Variants in SLC5A2 observed in about 807,000 individuals in gnomAD.
SLC5A2 encodes the protein solute carrier family 5 member 2.
In SLC5A2, 67 loss-of-function variants were observed where a neutral mutation model predicts 69.0. The observed-to-expected ratio is 0.97, with a 90% CI of 0.80 to 1.19. The LOEUF is 1.19. SLC5A2 is among the 50% of genes most tolerant of loss of function. The pLI is 0.00. For synonymous variants in SLC5A2, 455 were observed against 395.8 expected (o/e 1.15, Z -1.78); for missense variants, 1,001 against 921.5 (o/e 1.09, Z -1.12).
rs1300749034 is a variant in SLC5A2 at position 31,487,708 on chromosome 16, G to A, written c.834G>A (p.Ala278=). Residue 278 remains alanine (A), a synonymous_variant, in exon 7 of 14, where the codon GCG becomes GCA. Coordinates refer to ENST00000330498, the MANE Select transcript of SLC5A2 (RefSeq NM_003041.4). ...HPVTGDLPWP[A]LLLGLTIVSG... is the part of the protein sequence containing the mutation. ...TGACCGGGGATCTGCCGTGGCCCGC[G>A]CTGCTCCTCGGACTCACAATCGTCT... 6 of 1,612,850 alleles carry A rather than the reference G, an allele frequency of 3.7e-6. No individual in the cohort carries two copies. The highest frequency in any genetic ancestry group is 5.1e-6 in the Non-Finnish European group (6 of 1,179,934).
At chr16:31,486,977 C>T (rs1206510180) in intron 5 of SLC5A2, among the ~76,000 whole-genome samples, 5 of 152,114 alleles carry the variant, frequency 3.3e-5, no homozygotes, top group Non-Finnish European at 5.9e-5. Context: ...ACCGGGCAGG[C>T]GGAAGTTGCA....
rs370978812 is a variant in SLC5A2 at position 31,488,509 on chromosome 16, C to G, written c.1129+19C>G. 5.0e-6 allele frequency: 8 copies of G among 1,603,854 alleles called. No homozygotes were observed. Among genetic ancestry groups the G allele is most frequent in the Non-Finnish European group, 6.8e-6 (8 of 1,176,460 alleles). On this transcript the variant is annotated intron_variant, in intron 9 of 13. Transcript: ENST00000330498. ...CCCAACGGTAAGGGCAGCCCCGGGCCACAGGCGCAAGCTCGCTGCGGAGCC... is the reference window on the plus strand; with the variant it reads ...CCCAACGGTAAGGGCAGCCCCGGGCGACAGGCGCAAGCTCGCTGCGGAGCC...
chr16:31,487,194 G>A, intron 5 of SLC5A2, 126 bp from the exon 6 acceptor site: 3 of 949,538 alleles, frequency 3.2e-6, no homozygotes, highest in East Asian at 2.4e-5. Flanking sequence ...CCGAGAACAG[G>A]CTATCGTTTT....
chr16:31,484,120 G>A (rs569916151), intron 1 of SLC5A2, among the ~76,000 whole-genome samples: 5 of 151,832 alleles, frequency 3.3e-5, no homozygotes, highest in East Asian at 2.0e-4. Context: ...GGCTGGGTGC[G>A]GTGGTTCATG....
chr16:31,488,030 T>C lies in SLC5A2; in HGVS notation c.886-8T>C. 2 of 1,612,758 alleles carry C rather than the reference T, an allele frequency of 1.2e-6. No individual in the cohort carries two copies. The highest frequency in any genetic ancestry group is 1.7e-6 in the Non-Finnish European group (2 of 1,179,754). ...CCGCAAGCGGGCAGCTGAACGCCCCTCCCGTAGGTCATCGTGCAGCGCTGC... is the reference window on the plus strand; with the variant it reads ...CCGCAAGCGGGCAGCTGAACGCCCCCCCCGTAGGTCATCGTGCAGCGCTGC... On this transcript the variant is annotated splice_region_variant and splice_polypyrimidine_tract_variant and intron_variant, in intron 7 of 13. Transcript: ENST00000330498.
At chr16:31,489,800 ACT>A (rs2082544388) in intron 12 of SLC5A2, 1 of 462,422 alleles carries the variant, frequency 2.2e-6, no homozygotes, top group Non-Finnish European at 4.0e-6. Context: ...GGCACAGAAC[ACT>A]GTGAGCAGGA....
rs759033377 is a variant in SLC5A2, at chr16:31,485,762, TTTGCACCC to T, written c.338_345del (p.Phe113CysfsTer234). ...CGTGGTGCTGCTACTGGGCTGGCTG[TTTGCACCC>T]GTGTACCTGACAGCGGGGGTCATCA... On this transcript the variant is annotated frameshift_variant, in exon 4 of 14. Transcript: ENST00000330498. LOFTEE classifies it high-confidence loss of function. The T allele has an allele frequency of 6.2e-7, 1 of 1,613,734 alleles. No homozygotes were observed. The highest frequency in any genetic ancestry group is 1.1e-5 in the South Asian group (1 of 91,080).
chr16:31,487,391 A>G lies in SLC5A2; in HGVS notation c.646A>G (p.Met216Val), dbSNP rs753799558. The change falls in exon 6 of 14, where the codon ATG becomes GTG. Residue 216 changes from methionine (M) to valine (V), a missense_variant. Coordinates refer to ENST00000330498, the MANE Select transcript of SLC5A2 (RefSeq NM_003041.4). The part of the protein sequence containing the change: ...FVILGGACIL[M>V]GYAFHEVGGY... ...CATTCTGGGGGGCGCCTGCATCCTCATGGGTTACGGTAGGGGCTCGCCTAC... is the reference window on the plus strand; with the variant it reads ...CATTCTGGGGGGCGCCTGCATCCTCGTGGGTTACGGTAGGGGCTCGCCTAC... 1.9e-6 allele frequency: 3 copies of G among 1,613,440 alleles called. No homozygotes were observed. Among genetic ancestry groups the G allele is most frequent in the Non-Finnish European group, 2.5e-6 (3 of 1,179,952 alleles).
Position 31,485,917 on chromosome 16 carries a change from T to C in SLC5A2, c.468+24T>C, listed in dbSNP as rs2082491906. On this transcript the variant is annotated intron_variant, in intron 4 of 13. Transcript: ENST00000330498. ...CAGTGAGTGCCTGTGGCAGATGCGA[T>C]TGGGCCCTAGAAGGGTGGGGCTCAA... 3.1e-6 allele frequency: 5 copies of C among 1,612,900 alleles called. No homozygotes were observed. The South Asian group carries it at 5.5e-5, about 18-fold the overall frequency.
At chr16:31,485,322 G>C (rs530553566) in intron 3 of SLC5A2, 2 of 443,274 alleles carry the variant, frequency 4.5e-6, no homozygotes, top group East Asian at 9.4e-5. Flanking sequence ...CTCTGGGACT[G>C]AGGCTCCTGT....
rs1156599706 is a variant in SLC5A2 at position 31,488,652 on chromosome 16, T to C, written c.1160T>C (p.Leu387Pro). The change falls in exon 10 of 14, where the codon CTG (leucine) becomes CCG (proline). Residue 387 changes from leucine to proline, a missense_variant. Transcript: ENST00000330498. Reference protein sequence around the residue: ...GLRGLMLAVMLAALMSSLASI... With the variant: ...GLRGLMLAVMPAALMSSLASI... ...CGCGGACTCATGCTGGCGGTCATGC[T>C]GGCCGCGCTCATGTCCTCGCTGGCC... 5 of 1,612,136 alleles carry C rather than the reference T, an allele frequency of 3.1e-6. No homozygotes were observed. The African/African-American group carries it at 6.7e-5, about 22-fold the overall frequency.
Position 31,486,246 on chromosome 16 carries a change from T to C in SLC5A2, c.545T>C (p.Leu182Pro). 2 of 1,613,918 alleles carry C rather than the reference T, an allele frequency of 1.2e-6. No individual in the cohort carries two copies. Among genetic ancestry groups the C allele is most frequent in the South Asian group, 1.1e-5 (1 of 91,076 alleles). ...WNIYASVIAL[L>P]GITMIYTVTG... ...ATCTATGCCTCCGTCATCGCGCTTC[T>C]GGGCATCACCATGATTTACACGGTG... The change falls in exon 5 of 14, where the codon CTG becomes CCG. Residue 182 changes from leucine (L) to proline (P), a missense_variant. By Grantham distance (98) the Leu-to-Pro change is moderately conservative (BLOSUM62 -3). Coordinates refer to ENST00000330498, the MANE Select transcript of SLC5A2 (RefSeq NM_003041.4).
At chr16:31,487,780 C>T in intron 7 of SLC5A2, 21 bp downstream of exon 7, 1 of 1,593,132 alleles carries the variant, frequency 6.3e-7, no homozygotes, top group Non-Finnish European at 8.5e-7. Flanking sequence ...AGGGCTGCGC[C>T]TGCAGTGAGG....
intron 6 of SLC5A2, 53 bp downstream of exon 6, chr16:31,487,453 C>T: frequency 6.2e-7 from 1 of 1,610,160 alleles, no homozygotes; most frequent in East Asian, 2.2e-5. Flanking sequence ...GCGGAGCTCT[C>T]GGCCTGCGCG....
Position 31,490,478 on chromosome 16 carries a change from C to T in SLC5A2, c.1962C>T (p.Asn654=), listed in dbSNP as rs2082555864. ...ACCCGAGCTGGGCCCGTGTGGTCAA[C>T]CTCAATGCCCTGCTCATGATGGCAG... ...SEDPSWARVV[N]LNALLMMAVA... is the part of the protein sequence containing the mutation. Residue 654 remains asparagine, a synonymous_variant, in exon 14 of 14, where the codon AAC becomes AAT. Coordinates refer to ENST00000330498, the MANE Select transcript of SLC5A2 (RefSeq NM_003041.4). 6.2e-7 allele frequency: 1 copy of T among 1,614,004 alleles called. No individual in the cohort carries two copies. Among genetic ancestry groups the T allele is most frequent in the East Asian group, 2.2e-5 (1 of 44,874 alleles).
chr16:31,484,928 G>A lies in SLC5A2; in HGVS notation c.303+5G>A, dbSNP rs770090646. On this transcript the variant is annotated splice_donor_5th_base_variant and intron_variant, in intron 3 of 13. Coordinates refer to ENST00000330498, the MANE Select transcript of SLC5A2 (RefSeq NM_003041.4). Reference sequence around the variant, plus strand: ...GTTGCTGGATTCGAGTGGAATGTGAGGCCCTCTTTTTTCCAATAACCCCAC... The same window carrying A: ...GTTGCTGGATTCGAGTGGAATGTGAAGCCCTCTTTTTTCCAATAACCCCAC... 5 of 1,613,104 alleles carry A rather than the reference G, an allele frequency of 3.1e-6. No homozygotes were observed. The Admixed American group carries it at 8.3e-5, about 27-fold the overall frequency.
intron 8 of SLC5A2, 37 bp downstream of exon 8, chr16:31,488,210 AC>A (rs773610040): frequency 6.2e-7 from 1 of 1,613,572 alleles, no homozygotes; most frequent in African/African-American, 1.3e-5. Flanking sequence ...TGTGCCAGCA[AC>A]CGGGCGCCCG....
rs2082546829 is a variant in SLC5A2, at chr16:31,489,986, T to G, written c.1666-118T>G. On this transcript the variant is annotated intron_variant, in intron 12 of 13. Coordinates refer to ENST00000330498, the MANE Select transcript of SLC5A2 (RefSeq NM_003041.4). ...TGGCATGAGTTAAGCCTGGGCTGGG[T>G]GTGTAGACTGGACAGAGGTGGGTAG... is the stretch of plus-strand genomic sequence containing the variant. 10 of 1,352,432 alleles carry G rather than the reference T, an allele frequency of 7.4e-6. No homozygotes were observed. In the East Asian group the frequency reaches 2.5e-4, roughly 33 times the overall value. The allele number at this position is 1,352,432 out of a possible 1,614,324, so 83.8% of individuals were successfully genotyped here.
In SLC5A2 at chr16:31,490,301, T is replaced by C. The variant is rs2082552160; in HGVS notation, c.1793-8T>C. The C allele has an allele frequency of 6.2e-7, 1 of 1,612,772 alleles. No individual in the cohort carries two copies. The highest frequency in any genetic ancestry group is 1.3e-5 in the African/African-American group (1 of 74,884). ...GCAAACTAACTGCAGGGCCTCAATT[T>C]CCCTCAGAGCCCCAGGCCCCGGCAC... On this transcript the variant is annotated splice_region_variant and splice_polypyrimidine_tract_variant and intron_variant, in intron 13 of 13. Transcript: ENST00000330498.
Sources: allele counts gnomAD v4.1 joint callset (sites outside exome capture counted in the v4.1 genomes callset), GRCh38; gene constraint gnomAD v4.1.1; transcripts MANE v1.5; gene names NCBI Gene and HGNC (gene_info 2026-07-23, HGNC 2026-07-21).